TMEM45B: variants seen among roughly 807,000 people sequenced by gnomAD.
TMEM45B encodes the protein transmembrane protein 45B.
In TMEM45B, 29 loss-of-function variants were observed where a neutral mutation model predicts 27.3. That is an observed-to-expected ratio of 1.06 (90% confidence interval 0.79 to 1.45). The LOEUF (loss-of-function observed/expected upper bound fraction) is 1.45, where lower values mean the gene tolerates loss of function less well. Among genes scored for constraint, TMEM45B ranks in the 40% most tolerant of loss-of-function variants. TMEM45B has a pLI of 0.00. For synonymous variants in TMEM45B, 143 were observed against 134.7 expected (o/e 1.06, Z -0.43); for missense variants, 348 against 343.9 (o/e 1.01, Z -0.09).
rs138408744 is a variant in TMEM45B at position 129,821,531 on chromosome 11, G to A, written c.-9+5633G>A. ...ATTTTACGCCTTTTTCTTAAAGAAG[G>A]CTCCCAAAAGTGTATAAGATTCAGG... On this transcript the variant is annotated intron_variant, in intron 1 of 5. Coordinates refer to ENST00000281441, the MANE Select transcript of TMEM45B (RefSeq NM_138788.5). 4.3e-3 allele frequency among the ~76,000 whole-genome samples: 661 copies of A among 152,064 alleles called. 4 individuals are homozygous for A. Among genetic ancestry groups the A allele is most frequent in the Middle Eastern group, 6.8e-3 (2 of 294 alleles).
At chr11:129,850,149 GT>G (rs775617921) in intron 1 of TMEM45B, among the ~76,000 whole-genome samples, 25 of 142,462 alleles carry the variant, frequency 1.8e-4, no homozygotes, top group Middle Eastern at 3.8e-3. Flanking sequence ...CTTTTCTCAC[GT>G]TTTTTTTTTT....
intron 1 of TMEM45B, among the ~76,000 whole-genome samples, chr11:129,823,960 T>C (rs1947450430): frequency 6.6e-6 from 1 of 152,220 alleles, no homozygotes; most frequent in Non-Finnish European, 1.5e-5. Flanking sequence ...GTTCTAATGG[T>C]CATTTTTCTG....
At chr11:129,854,187 A>T (rs985451685) in intron 2 of TMEM45B, among the ~76,000 whole-genome samples, 2 of 152,162 alleles carry the variant, frequency 1.3e-5, no homozygotes, top group Non-Finnish European at 2.9e-5. Context: ...CTCTGCTCAG[A>T]TTCTGCTTTC....
chr11:129,859,506 C>G lies in TMEM45B; in HGVS notation c.*821C>G, dbSNP rs1347443998. On this transcript the variant is annotated 3_prime_UTR_variant, in exon 6 of 6. Transcript: ENST00000281441. The stretch of plus-strand genomic sequence containing the variant: ...GAATTAGTAATGTAAAATCTTGATA[C>G]CCTAATCTTGCTTCTGGATCTGTTC... 6.6e-6 allele frequency: 1 copy of G among 152,070 alleles called. No individual in the cohort carries two copies. The highest frequency in any genetic ancestry group is 1.5e-5 in the Non-Finnish European group (1 of 68,014). 9.4% of individuals were successfully genotyped at this position (152,070 alleles called of 1,614,324 possible). A position where few individuals can be genotyped will look rare whatever the true frequency, so the allele number is the denominator to read the frequency against.
chr11:129,831,078 T>C (rs1452259581), intron 1 of TMEM45B, among the ~76,000 whole-genome samples: 1 of 152,212 alleles, frequency 6.6e-6, no homozygotes, highest in East Asian at 1.9e-4. Context: ...ATAAAGCTTA[T>C]ATAAATTAGG....
chr11:129,818,855 T>C (rs1947382779), intron 1 of TMEM45B, among the ~76,000 whole-genome samples: 1 of 152,116 alleles, frequency 6.6e-6, no homozygotes, highest in Non-Finnish European at 1.5e-5. Flanking sequence ...TTAAGAAAAA[T>C]AAAGCAAGTA....
intron 5 of TMEM45B, 51 bp from the exon 6 acceptor site, chr11:129,858,523 T>C: frequency 1.5e-6 from 2 of 1,332,836 alleles, no homozygotes; most frequent in Non-Finnish European, 1.0e-6. Context: ...TCCTTGGTAA[T>C]GGATTAAGGG....
At position 129,854,681 on chromosome 11, in the gene TMEM45B, T is replaced by A; in HGVS notation, c.250T>A (p.Leu84Ile). 1 of 1,614,224 alleles carries A rather than the reference T, an allele frequency of 6.2e-7. No individual in the cohort carries two copies. Residue 84 changes from leucine to isoleucine, a missense_variant, in exon 3 of 6, where the codon TTA becomes ATA. By Grantham distance (5) the Leu-to-Ile change is conservative. Coordinates refer to ENST00000281441, the MANE Select transcript of TMEM45B (RefSeq NM_138788.5). ...HLYHENHWIKLMNWQHSTMYL... is the reference protein window; with the variant it reads ...HLYHENHWIKIMNWQHSTMYL... ...CTACCATGAGAACCACTGGATAAAG[T>A]TAATGAATTGGCAGCACAGCACCAT...
rs913040936 is a variant in TMEM45B, at chr11:129,857,430, G to A, written c.688G>A (p.Val230Met). 6.2e-7 allele frequency: 1 copy of A among 1,614,144 alleles called. No individual in the cohort carries two copies. The change falls in exon 5 of 6, where the codon GTG (valine) becomes ATG (methionine). Residue 230 changes from valine to methionine, a missense_variant. Physicochemically the swap from Val to Met is conservative, Grantham distance 21. Transcript: ENST00000281441. ...CWHYLAALSIVAVNYSLVYCL... is the reference protein window; with the variant it reads ...CWHYLAALSIMAVNYSLVYCL... ...GCACTACCTGGCTGCCCTCAGCATT[G>A]TGGCCGTCAACTATTCTCTTGTTTA...
At chr11:129,829,990 G>A (rs948573995) in intron 1 of TMEM45B, among the ~76,000 whole-genome samples, 1 of 152,180 alleles carries the variant, frequency 6.6e-6, no homozygotes, top group Admixed American at 6.6e-5. Flanking sequence ...ACATGTGAAA[G>A]AATAAAGTTG....
At chr11:129,819,456 C>G (rs1214256579) in intron 1 of TMEM45B, among the ~76,000 whole-genome samples, 3 of 152,216 alleles carry the variant, frequency 2.0e-5, no homozygotes, top group Admixed American at 2.0e-4. Flanking sequence ...AGCTTTCATA[C>G]TCACTTCCGC....
chr11:129,837,411 GA>G (rs1947633894), intron 1 of TMEM45B, among the ~76,000 whole-genome samples: 1 of 151,510 alleles, frequency 6.6e-6, no homozygotes, highest in South Asian at 2.1e-4. Flanking sequence ...TCAGCCTCCT[GA>G]GTAGCTGGGA....
At chr11:129,816,661 T>C (rs1947355111) in intron 1 of TMEM45B, among the ~76,000 whole-genome samples, 1 of 151,806 alleles carries the variant, frequency 6.6e-6, no homozygotes, top group South Asian at 2.1e-4. Flanking sequence ...AACGTAGCAC[T>C]TTAAGAAATA....
chr11:129,822,994 C>G (rs1365984149), intron 1 of TMEM45B, among the ~76,000 whole-genome samples: 1 of 152,046 alleles, frequency 6.6e-6, no homozygotes, highest in African/African-American at 2.4e-5. Context: ...GCGCCCACCA[C>G]CATGCCCAGC....
intron 1 of TMEM45B, among the ~76,000 whole-genome samples, chr11:129,816,195 C>T (rs1354712253): frequency 6.6e-6 from 1 of 152,148 alleles, no homozygotes; most frequent in Non-Finnish European, 1.5e-5. Context: ...CGGCTGGCCG[C>T]GGCCCTGGAA....
chr11:129,853,979 G>A (rs556081678), intron 2 of TMEM45B, among the ~76,000 whole-genome samples: 57 of 152,262 alleles, frequency 3.7e-4, no homozygotes, highest in Admixed American at 1.0e-3. Flanking sequence ...TCGCAGTTTC[G>A]TCATTTTCTG....
intron 2 of TMEM45B, 32 bp from the exon 3 acceptor site, chr11:129,854,578 C>T (rs747073905): frequency 6.2e-7 from 1 of 1,603,190 alleles, no homozygotes; most frequent in East Asian, 2.2e-5. Flanking sequence ...GCTACTCTTC[C>T]CTCTAAAACA....
At chr11:129,852,447 A>T (rs1400214295) in intron 1 of TMEM45B, 28 bp from the exon 2 acceptor site, 1 of 1,563,476 alleles carries the variant, frequency 6.4e-7, no homozygotes, top group South Asian at 1.2e-5. Context: ...TTCATTAGCC[A>T]CCTAACAGCC....
intron 1 of TMEM45B, chr11:129,850,683 C>T (rs1243818961): frequency 6.6e-6 from 1 of 152,218 alleles, no homozygotes; most frequent in Non-Finnish European, 1.5e-5. Context: ...CTGTCTGAGA[C>T]CTCATCAGAA....
Sources: allele counts gnomAD v4.1 joint callset (sites outside exome capture counted in the v4.1 genomes callset), GRCh38; gene constraint gnomAD v4.1.1; transcripts MANE v1.5; gene names NCBI Gene and HGNC (gene_info 2026-07-23, HGNC 2026-07-21).